The following LOC400499 variants were observed in gnomAD, a reference collection of about 807,000 sequenced individuals.
chr16:11,404,425 C>T, the LOC400499 span, among the ~76,000 whole-genome samples: 4 of 152,140 alleles, frequency 2.6e-5, no homozygotes, highest in Non-Finnish European at 1.5e-5. Flanking sequence ...CGGCTCTCTG[C>T]AACCTCTGCC....
At chr16:11,457,376 G>A in the LOC400499 span, among the ~76,000 whole-genome samples, 1 of 151,530 alleles carries the variant, frequency 6.6e-6, no homozygotes, top group African/African-American at 2.4e-5. Flanking sequence ...GGTGGATCAC[G>A]AGGTCAGGAG....
chr16:11,437,195 T>A, the LOC400499 span, among the ~76,000 whole-genome samples: 4 of 152,100 alleles, frequency 2.6e-5, no homozygotes, highest in African/African-American at 4.8e-5. Context: ...CCCAGAGGAT[T>A]TTTTAGGGCA....
the LOC400499 span, among the ~76,000 whole-genome samples, chr16:11,451,622 TG>T: frequency 6.6e-6 from 1 of 151,892 alleles, no homozygotes; most frequent in South Asian, 2.1e-4. Context: ...CTGAGGGCTG[TG>T]AAGAAAAACA....
chr16:11,399,190 C>A, the LOC400499 span: 2 of 984,830 alleles, frequency 2.0e-6, no homozygotes, highest in Admixed American at 1.2e-4. Context: ...CCTCCGCCCC[C>A]TCCCGAGAAG....
At chr16:11,484,190 G>C in the LOC400499 span, among the ~76,000 whole-genome samples, 1 of 151,616 alleles carries the variant, frequency 6.6e-6, no homozygotes. Context: ...TGTATTCTTA[G>C]TAGAGACAGG....
the LOC400499 span, among the ~76,000 whole-genome samples, chr16:11,449,571 G>A: frequency 6.6e-6 from 1 of 152,192 alleles, no homozygotes; most frequent in African/African-American, 2.4e-5. Flanking sequence ...AGCCCCCCAT[G>A]GGATGGTTCC....
chr16:11,506,539 G>A, the LOC400499 span, among the ~76,000 whole-genome samples: 1 of 152,064 alleles, frequency 6.6e-6, no homozygotes, highest in African/African-American at 2.4e-5. Flanking sequence ...CCTCTCCCAG[G>A]CATCCTTCCT....
the LOC400499 span, chr16:11,471,767 G>C: frequency 5.0e-6 from 2 of 399,194 alleles, no homozygotes; most frequent in South Asian, 1.3e-4. Flanking sequence ...GGCTGGCCAG[G>C]CACCGGCCAG....
chr16:11,445,732 C>T, the LOC400499 span, among the ~76,000 whole-genome samples: 2 of 152,062 alleles, frequency 1.3e-5, no homozygotes, highest in Non-Finnish European at 1.5e-5. Flanking sequence ...TGAGAGCATG[C>T]GGGTGGCAGG....
At chr16:11,441,643 T>C in the LOC400499 span, among the ~76,000 whole-genome samples, 1 of 152,086 alleles carries the variant, frequency 6.6e-6, no homozygotes, top group South Asian at 2.1e-4. Flanking sequence ...ATTATCTGGG[T>C]GGCCCTAAAG....
chr16:11,392,169 G>A, the LOC400499 span: 2 of 399,228 alleles, frequency 5.0e-6, no homozygotes, highest in Non-Finnish European at 8.8e-6. Context: ...CTCGGTGCCA[G>A]CAGCAGGTGT....
chr16:11,394,833 T>G, the LOC400499 span, among the ~76,000 whole-genome samples: 5 of 151,986 alleles, frequency 3.3e-5, no homozygotes, highest in Non-Finnish European at 5.9e-5. Flanking sequence ...CCCTAGGACT[T>G]TGAGAGGGAG....
chr16:11,458,071 G>A, the LOC400499 span, among the ~76,000 whole-genome samples: 9 of 152,138 alleles, frequency 5.9e-5, no homozygotes, highest in East Asian at 9.7e-4. Flanking sequence ...AGGGCTGGGC[G>A]TGGTGGCTCA....
chr16:11,427,342 C>T, the LOC400499 span, among the ~76,000 whole-genome samples: 2 of 118,432 alleles, frequency 1.7e-5, no homozygotes, highest in African/African-American at 3.9e-5. Flanking sequence ...GAGCGAAACT[C>T]CATCTCACAA....
the LOC400499 span, chr16:11,477,922 C>T: frequency 7.5e-6 from 3 of 399,000 alleles, no homozygotes. Context: ...TTAGGGTCAG[C>T]CGGGCAGGAA....
the LOC400499 span, chr16:11,425,493 G>C: frequency 2.5e-6 from 1 of 398,770 alleles, no homozygotes; most frequent in Admixed American, 4.4e-5. Context: ...AGCTGCTTTG[G>C]AGAGGAGGGA....
chr16:11,439,571 T>G, the LOC400499 span: 2 of 399,074 alleles, frequency 5.0e-6, no homozygotes, highest in East Asian at 7.1e-5. Flanking sequence ...TCCGTTCAGC[T>G]GGACCGAGGC....
chr16:11,392,360 A>G, the LOC400499 span: 1 of 398,482 alleles, frequency 2.5e-6, no homozygotes, highest in Non-Finnish European at 4.4e-6. Flanking sequence ...GCGCGCGGCC[A>G]GCAGGAGACT....
chr16:11,512,400 T>C, the LOC400499 span, among the ~76,000 whole-genome samples: 2 of 152,010 alleles, frequency 1.3e-5, no homozygotes, highest in African/African-American at 4.8e-5. Context: ...GTCAGGAGTT[T>C]GAGACCAGCC....
Sources: gnomAD v4.1 joint callset for allele counts (sites outside exome capture counted in the v4.1 genomes callset) on GRCh38, gnomAD v4.1.1 for gene constraint, MANE v1.5 for transcripts.